The following KIAA1328 variants were observed in gnomAD, a reference collection of about 807,000 sequenced individuals.
KIAA1328 encodes the protein protein hinderin.
A neutral mutation model predicts 68.1 loss-of-function variants in KIAA1328; 52 were observed. The ratio of observed to expected loss-of-function variants is 0.76; its 90% CI spans 0.61 to 0.96. The LOEUF (loss-of-function observed/expected upper bound fraction) is 0.96, where lower values mean the gene tolerates loss of function less well. Ranked by LOEUF, KIAA1328 falls within the 40% of genes least tolerant of loss-of-function variation. KIAA1328 has a pLI of 0.00. For missense variants in KIAA1328, 641 were observed against 677.6 expected, an observed-to-expected ratio of 0.95 and a Z score of 0.60; for synonymous variants, 232 against 239.4, an observed-to-expected ratio of 0.97 and a Z score of 0.28.
chr18:36,922,474 T>G (rs989296014), intron 5 of KIAA1328, among the ~76,000 whole-genome samples: 1 of 152,282 alleles, frequency 6.6e-6, no homozygotes, highest in South Asian at 2.1e-4. Flanking sequence ...CATGGGAAAT[T>G]TTTTGAAGAA....
At chr18:36,991,589 A>AT (rs1339468350) in intron 6 of KIAA1328, among the ~76,000 whole-genome samples, 1 of 152,192 alleles carries the variant, frequency 6.6e-6, no homozygotes, top group Non-Finnish European at 1.5e-5. Context: ...AGTTTCAGTT[A>AT]TCTATTACTG....
At chr18:36,875,980 G>A (rs2048109428) in intron 4 of KIAA1328, among the ~76,000 whole-genome samples, 1 of 152,002 alleles carries the variant, frequency 6.6e-6, no homozygotes, top group African/African-American at 2.4e-5. Context: ...ATTGATTTGT[G>A]TATGTTGAAC....
At chr18:36,849,629 G>A (rs1448095457) in intron 4 of KIAA1328, among the ~76,000 whole-genome samples, 1 of 152,012 alleles carries the variant, frequency 6.6e-6, no homozygotes, top group Non-Finnish European at 1.5e-5. Context: ...ATACTTTGAT[G>A]GACATTTGGG....
At chr18:37,226,857 T>C (rs1443784445), downstream of KIAA1328, among the ~76,000 whole-genome samples, 1 of 151,492 alleles carries the variant, frequency 6.6e-6, no homozygotes, top group Admixed American at 6.6e-5. Context: ...AACCTCCGCC[T>C]CCCGGGTTCA....
chr18:37,192,145 T>TTGTGTGTG lies in KIAA1328; in HGVS notation c.1523+19088_1523+19095dup, dbSNP rs10667132. Among the ~76,000 whole-genome samples, 1,415 of 144,714 alleles carry TTGTGTGTG rather than the reference T, an allele frequency of 9.8e-3. 5 individuals carry two copies. Among genetic ancestry groups the TTGTGTGTG allele is most frequent in the East Asian group, 0.032 (154 of 4,874 alleles). 94.9% of individuals were successfully genotyped at this position (144,714 alleles called of 152,430 possible). ...TTACATCTAAAGATAAGTCAAGAAA[T>TTGTGTGTG]TGTGTGTGTGTGTGTGTGTGTGTGT... On this transcript the variant is annotated intron_variant, in intron 9 of 9. Transcript: ENST00000280020.
chr18:36,906,006 A>T (rs11664299), intron 5 of KIAA1328, among the ~76,000 whole-genome samples: 1 of 152,094 alleles, frequency 6.6e-6, no homozygotes, highest in African/African-American at 2.4e-5. Context: ...ACTCATATTT[A>T]CATGGGAAAC....
At chr18:37,046,476 C>A (rs1459081296) in intron 6 of KIAA1328, among the ~76,000 whole-genome samples, 2 of 152,092 alleles carry the variant, frequency 1.3e-5, no homozygotes, top group Non-Finnish European at 2.9e-5. Context: ...CTTAAAGCTC[C>A]TCTTGGCTCC....
intron 1 of KIAA1328, chr18:36,833,486 A>G (rs2046567600): frequency 6.6e-6 from 1 of 152,240 alleles, no homozygotes; most frequent in South Asian, 2.1e-4. Context: ...AGTTACAGGG[A>G]TCAGATCTTG....
intron 4 of KIAA1328, among the ~76,000 whole-genome samples, chr18:36,877,403 GATCCCTTTACCATTATGTA>G (rs1456527831): frequency 1.3e-5 from 2 of 151,856 alleles, no homozygotes; most frequent in Non-Finnish European, 2.9e-5. Context: ...TTGTTGCATT[GATCCCTTTACCATTATGTA>G]ATGCCGTTCT....
intron 6 of KIAA1328, among the ~76,000 whole-genome samples, chr18:37,037,884 G>A (rs982897549): frequency 1.3e-5 from 2 of 152,096 alleles, no homozygotes; most frequent in Non-Finnish European, 2.9e-5. Flanking sequence ...GGCTGATCAC[G>A]AGGTCAGGAG....
At chr18:36,913,479 TACACACACACACACACACAC>T (rs10582262) in intron 5 of KIAA1328, among the ~76,000 whole-genome samples, 14 of 91,426 alleles carry the variant, frequency 1.5e-4, no homozygotes, top group Non-Finnish European at 3.1e-4. Context: ...ATTACAACCT[TACACACACACACACACACAC>T]ACACACACAC....
chr18:37,039,981 TC>T (rs2055183115), intron 6 of KIAA1328, among the ~76,000 whole-genome samples: 1 of 152,174 alleles, frequency 6.6e-6, no homozygotes, highest in South Asian at 2.1e-4. Context: ...CTTGCGGTCT[TC>T]CATCTGAGGG....
chr18:37,153,237 G>A (rs932132569), intron 7 of KIAA1328, among the ~76,000 whole-genome samples: 1 of 152,098 alleles, frequency 6.6e-6, no homozygotes, highest in African/African-American at 2.4e-5. Flanking sequence ...CCTCTCTGCA[G>A]GAGAGAGAGC....
chr18:36,832,271 G>A (rs1232698764), intron 1 of KIAA1328, among the ~76,000 whole-genome samples: 1 of 152,118 alleles, frequency 6.6e-6, no homozygotes, highest in Non-Finnish European at 1.5e-5. Context: ...AAATAAATTT[G>A]TCATGGATGT....
At chr18:37,203,772 C>T (rs1568530237) in intron 9 of KIAA1328, among the ~76,000 whole-genome samples, 1 of 152,028 alleles carries the variant, frequency 6.6e-6, no homozygotes, top group Non-Finnish European at 1.5e-5. Flanking sequence ...ATACATATGC[C>T]CTCAGGCCTT....
intron 6 of KIAA1328, among the ~76,000 whole-genome samples, chr18:36,996,660 A>C (rs545827685): frequency 2.0e-4 from 31 of 152,264 alleles, no homozygotes; most frequent in African/African-American, 7.0e-4. Flanking sequence ...AGTAGGAGGA[A>C]GGGGGTGTTC....
At chr18:37,085,072 C>T (rs753410417) in intron 7 of KIAA1328, among the ~76,000 whole-genome samples, 18 of 152,048 alleles carry the variant, frequency 1.2e-4, no homozygotes, top group Non-Finnish European at 2.1e-4. Context: ...TAGACTGGGG[C>T]GGGGGTAAAC....
At chr18:36,891,707 G>C (rs552344366) in intron 5 of KIAA1328, among the ~76,000 whole-genome samples, 1 of 152,170 alleles carries the variant, frequency 6.6e-6, no homozygotes, top group South Asian at 2.1e-4. Flanking sequence ...CCACTCATTG[G>C]TTGGTGGCCA....
chr18:36,917,250 G>GT (rs978693586), intron 5 of KIAA1328, among the ~76,000 whole-genome samples: 10 of 151,740 alleles, frequency 6.6e-5, no homozygotes, highest in East Asian at 1.9e-4. Flanking sequence ...CTCTGAAGAG[G>GT]TTTTTTTTGT....
Sources: allele counts gnomAD v4.1 joint callset (sites outside exome capture counted in the v4.1 genomes callset), GRCh38; gene constraint gnomAD v4.1.1; transcripts MANE v1.5; gene names NCBI Gene and HGNC (gene_info 2026-07-23, HGNC 2026-07-21).